NELL1: variants seen among roughly 807,000 people sequenced by gnomAD.
NELL1 encodes the protein protein kinase C-binding protein NELL1.
In NELL1, 76 loss-of-function variants were observed where a neutral mutation model predicts 107.4. That is an observed-to-expected ratio of 0.71 (90% CI 0.59 to 0.86). NELL1 has a LOEUF of 0.86. Ranked by LOEUF, NELL1 falls within the 40% of genes least tolerant of loss-of-function variation. The pLI, the probability that NELL1 is intolerant of heterozygous loss-of-function variation, is 0.00. For missense variants in NELL1, 1,024 were observed against 1,005.5 expected (o/e 1.02, Z -0.25); for synonymous variants, 353 against 341.2 (o/e 1.03, Z -0.38).
chr11:20,769,482 T>G (rs980241614), intron 2 of NELL1: 7 of 152,244 alleles, frequency 4.6e-5, no homozygotes, highest in African/African-American at 1.7e-4. Flanking sequence ...TATTGGTCAG[T>G]GCAGCTAAAA....
At chr11:21,367,920 A>G (rs1338912232) in intron 14 of NELL1, among the ~76,000 whole-genome samples, 4 of 152,146 alleles carry the variant, frequency 2.6e-5, no homozygotes, top group African/African-American at 9.6e-5. Flanking sequence ...AATGCTGTGC[A>G]AATTACCAGT....
intron 12 of NELL1, among the ~76,000 whole-genome samples, chr11:21,104,657 G>T (rs1404459155): frequency 1.3e-5 from 2 of 152,134 alleles, no homozygotes; most frequent in Non-Finnish European, 2.9e-5. Context: ...TATTTGATCT[G>T]GTAATCAACA....
At chr11:21,422,095 ATG>A (rs58034116) in intron 15 of NELL1, among the ~76,000 whole-genome samples, 20,684 of 118,326 alleles carry the variant, frequency 0.17, 1,705 homozygotes, top group Middle Eastern at 0.24. Context: ...ATTTACACAT[ATG>A]TGTGTGTGTG....
intron 2 of NELL1, among the ~76,000 whole-genome samples, chr11:20,764,904 G>A (rs1245379723): frequency 6.6e-6 from 1 of 152,120 alleles, no homozygotes. Context: ...ACTCATGCCT[G>A]TAATCCCAGC....
intron 14 of NELL1, among the ~76,000 whole-genome samples, chr11:21,368,979 C>G (rs953958977): frequency 6.6e-5 from 10 of 152,000 alleles, no homozygotes; most frequent in African/African-American, 2.2e-4. Context: ...ATCTCGTGCT[C>G]TCCTCATAAA....
chr11:20,784,059 T>C (rs1590290602), intron 3 of NELL1, among the ~76,000 whole-genome samples: 1 of 152,270 alleles, frequency 6.6e-6, no homozygotes, highest in Non-Finnish European at 1.5e-5. Context: ...GTCTGTCTTC[T>C]GGTAGACTTT....
At chr11:21,145,176 G>A (rs1855950734) in intron 13 of NELL1, among the ~76,000 whole-genome samples, 1 of 152,114 alleles carries the variant, frequency 6.6e-6, no homozygotes, top group Admixed American at 6.5e-5. Context: ...ACAAGGCAGT[G>A]TTTCGTATAG....
At chr11:20,905,416 A>G (rs1849974226) in intron 5 of NELL1, among the ~76,000 whole-genome samples, 2 of 152,192 alleles carry the variant, frequency 1.3e-5, no homozygotes, top group Non-Finnish European at 2.9e-5. Flanking sequence ...TCAAAGGAAC[A>G]AAATAAATGA....
At chr11:21,275,469 G>T (rs541456136) in intron 14 of NELL1, among the ~76,000 whole-genome samples, 1 of 152,240 alleles carries the variant, frequency 6.6e-6, no homozygotes, top group African/African-American at 2.4e-5. Flanking sequence ...TCTACCAGAG[G>T]TACAAGGAGG....
chr11:20,682,709 G>A (rs1207582669), intron 2 of NELL1, among the ~76,000 whole-genome samples: 1 of 151,902 alleles, frequency 6.6e-6, no homozygotes, highest in Non-Finnish European at 1.5e-5. Flanking sequence ...CACCCAAAAA[G>A]TTTACCTTTT....
At chr11:21,210,173 T>C (rs1168186424) in intron 13 of NELL1, among the ~76,000 whole-genome samples, 2 of 152,152 alleles carry the variant, frequency 1.3e-5, no homozygotes, top group Admixed American at 1.3e-4. Context: ...TTTTGGATAT[T>C]ATGAATAATA....
At chr11:21,083,104 G>A (rs1448692012) in intron 12 of NELL1, among the ~76,000 whole-genome samples, 2 of 152,180 alleles carry the variant, frequency 1.3e-5, no homozygotes, top group Non-Finnish European at 2.9e-5. Context: ...CCAGCTCTTG[G>A]CTGAAGTAGA....
At chr11:21,393,935 T>C (rs553034731) in intron 15 of NELL1, among the ~76,000 whole-genome samples, 1 of 151,782 alleles carries the variant, frequency 6.6e-6, no homozygotes. Context: ...TGGAAGAGCT[T>C]CTTTAATTTT....
At chr11:21,037,998 G>A (rs558994269) in intron 12 of NELL1, among the ~76,000 whole-genome samples, 1 of 152,182 alleles carries the variant, frequency 6.6e-6, no homozygotes, top group South Asian at 2.1e-4. Context: ...AACAGAACAG[G>A]AATGTAAAAA....
chr11:21,458,632 G>A (rs925866143), intron 15 of NELL1, among the ~76,000 whole-genome samples: 1 of 152,088 alleles, frequency 6.6e-6, no homozygotes, highest in Non-Finnish European at 1.5e-5. Flanking sequence ...TGAATGCAGA[G>A]TGTAATCTAA....
At chr11:20,749,770 C>A (rs1467851906) in intron 2 of NELL1, among the ~76,000 whole-genome samples, 1 of 152,090 alleles carries the variant, frequency 6.6e-6, no homozygotes, top group Non-Finnish European at 1.5e-5. Context: ...ATCTACCCCC[C>A]ACTATTTAGC....
intron 13 of NELL1, among the ~76,000 whole-genome samples, chr11:21,222,490 C>G (rs950977476): frequency 2.0e-5 from 3 of 152,128 alleles, no homozygotes; most frequent in Non-Finnish European, 4.4e-5. Flanking sequence ...GCCACCACAC[C>G]TGGCTGATCT....
chr11:21,217,976 G>A (rs907798823), intron 13 of NELL1, among the ~76,000 whole-genome samples: 11 of 152,152 alleles, frequency 7.2e-5, no homozygotes, highest in Non-Finnish European at 1.0e-4. Context: ...AAGAAGAAAG[G>A]AACTATGTGA....
At chr11:20,880,618 A>G (rs1458480097) in intron 4 of NELL1, among the ~76,000 whole-genome samples, 7 of 152,260 alleles carry the variant, frequency 4.6e-5, no homozygotes, top group Non-Finnish European at 1.0e-4. Flanking sequence ...AAAAGGCAAC[A>G]GTAACCTTTC....
Sources: gnomAD v4.1 joint callset for allele counts (sites outside exome capture counted in the v4.1 genomes callset) on GRCh38, gnomAD v4.1.1 for gene constraint, MANE v1.5 for transcripts, NCBI Gene and HGNC (gene_info 2026-07-23, HGNC 2026-07-21) for gene names.